NAV2: variants seen among roughly 807,000 people sequenced by gnomAD.
NAV2 encodes helicase, APC down-regulated 1.
In NAV2, 54 loss-of-function variants were observed where a neutral mutation model predicts 223.2. The observed-to-expected ratio is 0.24, with a 90% CI of 0.19 to 0.30. NAV2 has a LOEUF of 0.30. Ranked by LOEUF, NAV2 falls within the 10% of genes least tolerant of loss-of-function variation. NAV2 has a pLI of 1.00. For missense variants in NAV2, 2,806 were observed against 3,147.5 expected (o/e 0.89, Z 2.60); for synonymous variants, 1,279 against 1,239.3 (o/e 1.03, Z -0.67).
At chr11:19,961,108 T>C (rs548361699) in intron 10 of NAV2, among the ~76,000 whole-genome samples, 3 of 152,042 alleles carry the variant, frequency 2.0e-5, no homozygotes, top group Non-Finnish European at 4.4e-5. Flanking sequence ...TTTTTTTAAT[T>C]TAAAATTTTT....
At chr11:19,473,039 G>T (rs2042011252) in intron 1 of NAV2, among the ~76,000 whole-genome samples, 1 of 152,190 alleles carries the variant, frequency 6.6e-6, no homozygotes, top group Admixed American at 6.5e-5. Context: ...GAGCAGCCAT[G>T]CCAGGAATGG....
At chr11:19,993,211 A>G (rs565107078) in intron 11 of NAV2, among the ~76,000 whole-genome samples, 19 of 152,354 alleles carry the variant, frequency 1.2e-4, no homozygotes, top group African/African-American at 4.6e-4. Flanking sequence ...CTGCATAACA[A>G]ACAATTCTCA....
At position 19,865,309 on chromosome 11, in the gene NAV2, G is replaced by A. The variant is rs145610499; in HGVS notation, c.439-3616G>A. On this transcript the variant is annotated intron_variant, in intron 3 of 37. Coordinates refer to ENST00000349880, the MANE Select transcript of NAV2 (RefSeq NM_145117.5). The stretch of plus-strand genomic sequence containing the variant: ...GCTGGGGCTGTTCCCCTCTTGAGAT[G>A]TGGTAGGAGTTTGCAGTTTCAACAG... 2.1e-3 allele frequency among the ~76,000 whole-genome samples: 326 copies of A among 152,284 alleles called. 4 individuals are homozygous for A. In the South Asian group the frequency reaches 0.022, roughly 10 times the overall value.
chr11:19,687,408 G>C (rs1279233915), intron 1 of NAV2, among the ~76,000 whole-genome samples: 1 of 152,144 alleles, frequency 6.6e-6, no homozygotes, highest in Non-Finnish European at 1.5e-5. Flanking sequence ...CATGCATTCA[G>C]AAAAAAGCAA....
intron 6 of NAV2, among the ~76,000 whole-genome samples, chr11:19,919,697 G>C (rs2044110923): frequency 6.6e-6 from 1 of 152,212 alleles, no homozygotes; most frequent in Admixed American, 6.5e-5. Flanking sequence ...CTTTAAGAAA[G>C]CCCAATATTA....
intron 9 of NAV2, among the ~76,000 whole-genome samples, chr11:19,948,065 G>A (rs1450875974): frequency 1.3e-5 from 2 of 151,810 alleles, no homozygotes; most frequent in Non-Finnish European, 2.9e-5. Flanking sequence ...TTCTTTCCCA[G>A]ATTGGAAAGA....
chr11:19,669,919 T>G (rs1352647845), intron 1 of NAV2, among the ~76,000 whole-genome samples: 1 of 152,174 alleles, frequency 6.6e-6, no homozygotes, highest in East Asian at 1.9e-4. Context: ...ATCTCAAGAT[T>G]TTCTAAAATG....
intron 6 of NAV2, among the ~76,000 whole-genome samples, chr11:19,920,956 A>AT (rs2044226770): frequency 6.6e-6 from 1 of 152,236 alleles, no homozygotes; most frequent in Non-Finnish European, 1.5e-5. Context: ...GACCTATTAC[A>AT]TAAAATAAAA....
chr11:19,530,605 C>T lies in NAV2; in HGVS notation c.75+179578C>T, dbSNP rs190306473. 3.1e-3 allele frequency among the ~76,000 whole-genome samples: 478 copies of T among 152,280 alleles called. 1 individual carries two copies. Among genetic ancestry groups the T allele is most frequent in the Non-Finnish European group, 4.0e-3 (270 of 68,028 alleles). On this transcript the variant is annotated intron_variant, in intron 1 of 37. Coordinates refer to the NAV2 transcript ENST00000360655. ...CTTCCCACCCCCAAAGCATGGACAC[C>T]GCTGTGCTTCTGTCTGAGTTCACCT...
intron 1 of NAV2, among the ~76,000 whole-genome samples, chr11:19,751,057 T>G (rs1054856144): frequency 6.6e-6 from 1 of 152,218 alleles, no homozygotes; most frequent in Non-Finnish European, 1.5e-5. Flanking sequence ...GACATCATGT[T>G]GCTAGCTAAA....
chr11:19,775,912 A>C (rs2056116362), intron 1 of NAV2, among the ~76,000 whole-genome samples: 2 of 152,216 alleles, frequency 1.3e-5, no homozygotes, highest in African/African-American at 4.8e-5. Flanking sequence ...AGGTCATAGA[A>C]GAGAGCTGGG....
At chr11:20,028,459 A>G (rs1285350995) in intron 11 of NAV2, among the ~76,000 whole-genome samples, 1 of 152,228 alleles carries the variant, frequency 6.6e-6, no homozygotes, top group East Asian at 1.9e-4. Flanking sequence ...TCTGGTTAAA[A>G]TGCTACATGT....
intron 1 of NAV2, among the ~76,000 whole-genome samples, chr11:19,686,541 G>A (rs960529900): frequency 6.6e-6 from 1 of 152,180 alleles, no homozygotes; most frequent in Non-Finnish European, 1.5e-5. Context: ...TCAGATGAAT[G>A]ACACTGCATT....
At chr11:19,594,127 C>A (rs533534584) in intron 1 of NAV2, among the ~76,000 whole-genome samples, 2 of 152,116 alleles carry the variant, frequency 1.3e-5, no homozygotes, top group East Asian at 1.9e-4. Flanking sequence ...AGATGGAGCT[C>A]AGACCAAAGG....
intron 1 of NAV2, among the ~76,000 whole-genome samples, chr11:19,424,906 T>G (rs1385335349): frequency 6.6e-6 from 1 of 152,170 alleles, no homozygotes; most frequent in African/African-American, 2.4e-5. Context: ...TAAAAATATT[T>G]AAAGTATTTA....
At chr11:19,778,123 G>A (rs538877089) in intron 1 of NAV2, 17 of 390,942 alleles carry the variant, frequency 4.3e-5, no homozygotes, top group African/African-American at 3.1e-4. Context: ...TCCCGGGAGA[G>A]CTGAGGATAG....
intron 1 of NAV2, among the ~76,000 whole-genome samples, chr11:19,492,184 A>G (rs1349934804): frequency 1.3e-5 from 2 of 152,156 alleles, no homozygotes; most frequent in African/African-American, 4.8e-5. Flanking sequence ...AGAATTACCA[A>G]ACTGTGACAC....
In NAV2 at chr11:19,754,209, T is replaced by C. The variant is rs575948090; in HGVS notation, c.267+40247T>C. On this transcript the variant is annotated intron_variant, in intron 1 of 37. Coordinates refer to ENST00000349880, the MANE Select transcript of NAV2 (RefSeq NM_145117.5). ...AACTTTTCCCCTTTCCCTACCTCTTTCTGGGCCTTTCTCTTTTTTCTGAGT... is the reference window on the plus strand; with the variant it reads ...AACTTTTCCCCTTTCCCTACCTCTTCCTGGGCCTTTCTCTTTTTTCTGAGT... Among the ~76,000 whole-genome samples, 3 of 152,330 alleles carry C rather than the reference T, an allele frequency of 2.0e-5. No individual in the cohort carries two copies. In the East Asian group the frequency reaches 5.8e-4, roughly 29 times the overall value.
intron 11 of NAV2, among the ~76,000 whole-genome samples, chr11:19,995,532 G>T (rs1309628737): frequency 6.6e-6 from 1 of 152,172 alleles, no homozygotes; most frequent in Non-Finnish European, 1.5e-5. Flanking sequence ...AATGCACTTC[G>T]AGGTGTTTGA....
Sources: gnomAD v4.1 joint callset for allele counts (sites outside exome capture counted in the v4.1 genomes callset) on GRCh38, gnomAD v4.1.1 for gene constraint, MANE v1.5 for transcripts, NCBI Gene and HGNC (gene_info 2026-07-23, HGNC 2026-07-21) for gene names.